ZNF24: variants seen among roughly 807,000 people sequenced by gnomAD.
ZNF24 encodes zinc finger protein 24.
Under a neutral mutation model 40.9 loss-of-function variants are expected in ZNF24, and 11 were observed. The ratio of observed to expected loss-of-function variants is 0.27; its 90% CI spans 0.17 to 0.45. The LOEUF is 0.45. Ranked by LOEUF, ZNF24 falls within the 20% of genes least tolerant of loss-of-function variation. The pLI is 1.00. For missense variants in ZNF24, 293 were observed against 437.7 expected (o/e 0.67, Z 2.95); for synonymous variants, 139 against 154.7 (o/e 0.90, Z 0.75).
chr18:35,337,089 G>A lies in ZNF24; in HGVS notation c.*143C>T, dbSNP rs2044917488. The A allele has an allele frequency of 4.7e-6, 3 of 644,606 alleles. No individual in the cohort carries two copies. Among genetic ancestry groups the A allele is most frequent in the South Asian group, 4.3e-5 (1 of 23,124 alleles). 39.9% of individuals were successfully genotyped at this position (644,606 alleles called of 1,614,324 possible). A position where few individuals can be genotyped will look rare whatever the true frequency, so the allele number is the denominator to read the frequency against. On this transcript the variant is annotated 3_prime_UTR_variant, in exon 4 of 4. Transcript: ENST00000261332. ...CTTTCAAGATAAATATCATAATGGT[G>A]AGTGAAGATTTTTACATTTCCCAGT...
Position 35,339,032 on chromosome 18 carries a change from T to A in ZNF24, c.568+797A>T, listed in dbSNP as rs1379514411. 4 of 1,536,032 alleles carry A rather than the reference T, an allele frequency of 2.6e-6. No homozygotes were observed. The Admixed American group carries it at 5.9e-5, about 23-fold the overall frequency. On this transcript the variant is annotated intron_variant, in intron 3 of 3. Transcript: ENST00000261332. ...GAAAACCTGCTCAGACCTCATTCAG[T>A]GGCATACCAGCACCATCTCCAACTA...
At chr18:35,343,871 C>A in intron 1 of ZNF24, 1 of 157,468 alleles carries the variant, frequency 6.4e-6, no homozygotes, top group South Asian at 1.8e-4. Context: ...GCCCCGGCCC[C>A]GGCCCGACGT....
At chr18:35,342,063 G>C (rs1278498033) in intron 1 of ZNF24, among the ~76,000 whole-genome samples, 5 of 152,116 alleles carry the variant, frequency 3.3e-5, no homozygotes, top group Non-Finnish European at 5.9e-5. Context: ...GGGCGTGGTG[G>C]ATTGCGCCTG....
At chr18:35,337,943 A>C in intron 3 of ZNF24, 173 bp from the exon 4 acceptor site, 1 of 569,748 alleles carries the variant, frequency 1.8e-6, no homozygotes, top group South Asian at 3.9e-5. Context: ...TCTGAATAAC[A>C]GTATAACATC....
intron 1 of ZNF24, among the ~76,000 whole-genome samples, chr18:35,343,368 A>C (rs1004509976): frequency 6.6e-5 from 10 of 152,188 alleles, no homozygotes; most frequent in African/African-American, 2.4e-4. Context: ...GAGGACTCAC[A>C]GTTTCCCCAG....
chr18:35,341,739 C>T (rs1029555757), intron 1 of ZNF24, among the ~76,000 whole-genome samples: 16 of 152,208 alleles, frequency 1.1e-4, no homozygotes, highest in Admixed American at 8.5e-4. Flanking sequence ...AAAAAATTGG[C>T]CAGGTGCAAT....
intron 3 of ZNF24, chr18:35,338,071 T>C (rs888099449): frequency 4.5e-5 from 30 of 660,094 alleles, no homozygotes; most frequent in African/African-American, 3.8e-5. Context: ...CAAAATGATG[T>C]GGCTAGGTAT....
intron 1 of ZNF24, among the ~76,000 whole-genome samples, chr18:35,341,515 C>T (rs2044968347): frequency 6.6e-6 from 1 of 152,096 alleles, no homozygotes. Context: ...AAAAAGTTAA[C>T]TGCAAAATGG....
At chr18:35,341,631 T>G (rs1212873483) in intron 1 of ZNF24, among the ~76,000 whole-genome samples, 1 of 152,070 alleles carries the variant, frequency 6.6e-6, no homozygotes, top group Admixed American at 6.5e-5. Flanking sequence ...GGACAAGATA[T>G]GGAGGTAGAA....
Position 35,333,948 on chromosome 18 carries a change from T to TTG in ZNF24, c.*3283_*3284insCA, listed in dbSNP as rs1172217899. On this transcript the variant is annotated 3_prime_UTR_variant, in exon 4 of 4. Transcript: ENST00000261332. ...TCAATGTGGGGGGAGAGGAGGCAAG[T>TTG]CTCAGTGTAGTGCATGTGAAATGGG... 1.3e-5 allele frequency: 2 copies of TTG among 152,200 alleles called. No homozygotes were observed. The highest frequency in any genetic ancestry group is 2.9e-5 in the Non-Finnish European group (2 of 68,040). 9.4% of individuals were successfully genotyped at this position (152,200 alleles called of 1,614,324 possible). A position where few individuals can be genotyped will look rare whatever the true frequency, so the allele number is the denominator to read the frequency against.
At position 35,333,183 on chromosome 18, in the gene ZNF24, CGA is replaced by C. The variant is rs1376836330; in HGVS notation, c.*4047_*4048del. On this transcript the variant is annotated 3_prime_UTR_variant, in exon 4 of 4. Transcript: ENST00000261332. ...GATGTTTACTTTGGCAATGTAATAG[CGA>C]GAGGAAAAAAATTAAGGGAATAAAT... 1.3e-5 allele frequency: 2 copies of C among 151,606 alleles called. No individual in the cohort carries two copies. The highest frequency in any genetic ancestry group is 4.9e-5 in the African/African-American group (2 of 41,214). The allele number at this position is 151,606 out of a possible 1,614,324, so 9.4% of individuals were successfully genotyped here.
Position 35,338,163 on chromosome 18 carries a change from G to A in ZNF24, c.569-393C>T, listed in dbSNP as rs1049032750. ...TAATGTTCTTTTACTTTGAGAAAGG[G>A]AGAAATTACATCAAAATACAAAGAT... On this transcript the variant is annotated intron_variant, in intron 3 of 3. Coordinates refer to ENST00000261332, the MANE Select transcript of ZNF24 (RefSeq NM_006965.4). The A allele has an allele frequency of 1.9e-5, 19 of 987,072 alleles. No homozygotes were observed. In the South Asian group the frequency reaches 8.0e-4, roughly 41 times the overall value. 61.1% of individuals were successfully genotyped at this position (987,072 alleles called of 1,614,324 possible).
intron 1 of ZNF24, among the ~76,000 whole-genome samples, chr18:35,343,048 A>T (rs749518456): frequency 9.9e-5 from 15 of 152,208 alleles, no homozygotes; most frequent in Non-Finnish European, 1.8e-4. Context: ...TTATGTGCTT[A>T]AAAAAATTTT....
intron 3 of ZNF24, 130 bp downstream of exon 3, chr18:35,339,699 A>T: frequency 1.3e-6 from 1 of 792,614 alleles, no homozygotes; most frequent in Non-Finnish European, 1.8e-6. Context: ...AAATCAACTT[A>T]ATCAGAAAAA....
In ZNF24 at chr18:35,335,460, T is replaced by C. The variant is rs1421867464; in HGVS notation, c.*1772A>G. ...TGCCTCACTTTTCCACCAGCTGGCC[T>C]TGCATTTATTACTATGCTTTTTAAT... On this transcript the variant is annotated 3_prime_UTR_variant, in exon 4 of 4. Transcript: ENST00000261332. The C allele has an allele frequency of 2.0e-5, 3 of 152,212 alleles. No homozygotes were observed. Among genetic ancestry groups the C allele is most frequent in the African/African-American group, 7.2e-5 (3 of 41,454 alleles). The allele number at this position is 152,212 out of a possible 1,614,324, so 9.4% of individuals were successfully genotyped here.
At position 35,340,154 on chromosome 18, in the gene ZNF24, A is replaced by C; in HGVS notation, c.420+77T>G. 6.5e-7 allele frequency: 1 copy of C among 1,536,596 alleles called. No homozygotes were observed. On this transcript the variant is annotated intron_variant, in intron 2 of 3. Coordinates refer to ENST00000261332, the MANE Select transcript of ZNF24 (RefSeq NM_006965.4). This position sits in a 1 kb window ranked among gnomAD's most constrained non-coding sequence, Gnocchi z 4.6. ...CATAAACATAATTCTAACTTAGTTG[A>C]GTGGAATTAATTCAGCAGCTTTGCC...
rs1208409037 is a variant in ZNF24, at chr18:35,336,972, A to C, written c.*260T>G. ...CAGGTAGTTCATTATTTGGAGAAGT[A>C]ATACAGACTATAAACATCACATGGA... On this transcript the variant is annotated 3_prime_UTR_variant, in exon 4 of 4. Coordinates refer to ENST00000261332, the MANE Select transcript of ZNF24 (RefSeq NM_006965.4). The C allele has an allele frequency of 3.0e-6, 1 of 338,088 alleles. No individual in the cohort carries two copies. Among genetic ancestry groups the C allele is most frequent in the East Asian group, 4.6e-5 (1 of 21,782 alleles). The allele number at this position is 338,088 out of a possible 1,614,324, so 20.9% of individuals were successfully genotyped here.
intron 3 of ZNF24, chr18:35,339,002 G>T: frequency 1.3e-6 from 2 of 1,535,040 alleles, no homozygotes; most frequent in Non-Finnish European, 1.7e-6. Flanking sequence ...CCCCTCAGAT[G>T]TGAAGAAAAC....
chr18:35,343,239 C>T (rs1400102332), intron 1 of ZNF24, among the ~76,000 whole-genome samples: 4 of 152,112 alleles, frequency 2.6e-5, no homozygotes, highest in African/African-American at 9.7e-5. Flanking sequence ...TTCCACCACA[C>T]CATACGTACA....
Sources: allele counts gnomAD v4.1 joint callset (sites outside exome capture counted in the v4.1 genomes callset), GRCh38; gene constraint gnomAD v4.1.1; non-coding constraint Gnocchi (gnomAD v3.1); transcripts MANE v1.5; gene names NCBI Gene and HGNC (gene_info 2026-07-23, HGNC 2026-07-21).